The following PPP2R2B variants were observed in gnomAD, a reference collection of about 807,000 sequenced individuals.
PPP2R2B encodes serine/threonine-protein phosphatase 2A 55 kDa regulatory subunit B beta isoform.
A neutral mutation model predicts 46.0 loss-of-function variants in PPP2R2B; 5 were observed. The observed-to-expected ratio is 0.11, with a 90% CI of 0.06 to 0.23. PPP2R2B has a LOEUF of 0.23. Among genes scored for constraint, PPP2R2B ranks in the 10% least tolerant of loss-of-function variants. PPP2R2B has a pLI of 1.00. For synonymous variants in PPP2R2B, 215 were observed against 206.7 expected (o/e 1.04, Z -0.34); for missense variants, 367 against 575.0 (o/e 0.64, Z 3.70).
rs554477446 is a variant in PPP2R2B at position 146,582,927 on chromosome 5, C to G, written c.*7020G>C. The G allele has an allele frequency of 1.4e-4, 21 of 152,340 alleles. No individual in the cohort carries two copies. Among genetic ancestry groups the G allele is most frequent in the African/African-American group, 4.8e-4 (20 of 41,576 alleles). 9.4% of individuals were successfully genotyped at this position (152,340 alleles called of 1,614,324 possible). A position where few individuals can be genotyped will look rare whatever the true frequency, so the allele number is the denominator to read the frequency against. ...TCATAGCCTGGCTATTGGAGAAGCT[C>G]CTGATATGTGAACCACACTAAGTCC... On this transcript the variant is annotated 3_prime_UTR_variant, in exon 10 of 10. Coordinates refer to ENST00000394411, the MANE Select transcript of PPP2R2B (RefSeq NM_181675.4).
chr5:146,777,813 C>T (rs939455795), intron 2 of PPP2R2B, among the ~76,000 whole-genome samples: 4 of 152,108 alleles, frequency 2.6e-5, no homozygotes, highest in Non-Finnish European at 4.4e-5. Flanking sequence ...CTGGAACAGG[C>T]AAAATGTAAT....
At chr5:146,796,445 C>T (rs1756542060) in intron 2 of PPP2R2B, among the ~76,000 whole-genome samples, 1 of 152,184 alleles carries the variant, frequency 6.6e-6, no homozygotes. Context: ...CTAGTAGCTA[C>T]AAATGGCAAA....
Position 146,999,013 on chromosome 5 carries a change from C to CAAA in PPP2R2B, c.79+56649_79+56651dup, listed in dbSNP as rs60753702. Among the ~76,000 whole-genome samples the CAAA allele has an allele frequency of 4.3e-3, 281 of 65,190 alleles. 1 individual carries two copies. The highest frequency in any genetic ancestry group is 5.6e-3 in the East Asian group (10 of 1,790). 42.8% of individuals were successfully genotyped at this position (65,190 alleles called of 152,430 possible). A position where few individuals can be genotyped will look rare whatever the true frequency, so the allele number is the denominator to read the frequency against. ...TGGGAGACAGAGCGAGACTCCATAT[C>CAAA]AAAAAAAAAAAAAAAAAAAAAAAAA... On this transcript the variant is annotated intron_variant, in intron 1 of 8. Coordinates refer to the PPP2R2B transcript ENST00000336640.
chr5:146,899,794 A>G (rs1762766258), intron 1 of PPP2R2B, among the ~76,000 whole-genome samples: 2 of 152,324 alleles, frequency 1.3e-5, no homozygotes, highest in South Asian at 2.1e-4. Context: ...CTATTTCCCA[A>G]TTGAATAACA....
intron 2 of PPP2R2B, among the ~76,000 whole-genome samples, chr5:146,816,921 T>A (rs553128370): frequency 5.1e-4 from 77 of 152,304 alleles, no homozygotes; most frequent in African/African-American, 1.8e-3. Context: ...GGTTAAGAAT[T>A]AAACTAGACA....
chr5:146,842,305 A>G (rs1305055351), intron 2 of PPP2R2B, among the ~76,000 whole-genome samples: 2 of 152,168 alleles, frequency 1.3e-5, no homozygotes, highest in South Asian at 4.1e-4. Context: ...GAGAGGAGCC[A>G]GAGCTTTAAT....
intron 5 of PPP2R2B, among the ~76,000 whole-genome samples, chr5:146,651,406 T>A (rs560735136): frequency 6.6e-6 from 1 of 152,352 alleles, no homozygotes; most frequent in South Asian, 2.1e-4. Context: ...ACCTTACTGA[T>A]ACATAAATAC....
intron 4 of PPP2R2B, among the ~76,000 whole-genome samples, chr5:146,693,404 A>G (rs1239960645): frequency 1.3e-5 from 2 of 151,990 alleles, no homozygotes; most frequent in Non-Finnish European, 2.9e-5. Context: ...TTATAGAGAC[A>G]TGATTTTTTC....
intron 2 of PPP2R2B, among the ~76,000 whole-genome samples, chr5:146,784,535 G>T (rs1009506931): frequency 2.6e-5 from 4 of 151,946 alleles, no homozygotes; most frequent in Non-Finnish European, 5.9e-5. Flanking sequence ...ATACCTTCTC[G>T]TAATAGTAAA....
intron 2 of PPP2R2B, among the ~76,000 whole-genome samples, chr5:146,749,502 A>T (rs1753404303): frequency 6.6e-6 from 1 of 152,044 alleles, no homozygotes; most frequent in African/African-American, 2.4e-5. Flanking sequence ...ATCACAGTGC[A>T]TGTAGCATAA....
At chr5:146,599,967 C>T (rs1166356630) in intron 8 of PPP2R2B, among the ~76,000 whole-genome samples, 1 of 152,188 alleles carries the variant, frequency 6.6e-6, no homozygotes, top group Non-Finnish European at 1.5e-5. Flanking sequence ...CCATCTCTTG[C>T]AGAGAGGCAC....
At chr5:146,606,881 G>A (rs1255160707) in intron 7 of PPP2R2B, 1 of 152,200 alleles carries the variant, frequency 6.6e-6, no homozygotes, top group East Asian at 1.9e-4. Flanking sequence ...AGTGGGACAT[G>A]AGGGTCCGCT....
At chr5:146,689,995 C>T (rs1477770547) in intron 5 of PPP2R2B, among the ~76,000 whole-genome samples, 1 of 152,200 alleles carries the variant, frequency 6.6e-6, no homozygotes, top group Non-Finnish European at 1.5e-5. Flanking sequence ...GCAGATGTAT[C>T]AATAAATGAA....
At chr5:146,976,928 T>C (rs1752938015) in intron 1 of PPP2R2B, among the ~76,000 whole-genome samples, 2 of 152,186 alleles carry the variant, frequency 1.3e-5, no homozygotes, top group Admixed American at 6.5e-5. Context: ...AAGAACAGGA[T>C]TGACGTTTTA....
In PPP2R2B at chr5:147,081,239, A is replaced by G. The variant is rs1165670424; in HGVS notation, c.-29+18T>C. Reference sequence around the variant, plus strand: ...TATATAGCAGAATCTATGCATTTCTAAAAGGAGACTTGCACACCAGGTATC... The same window carrying G: ...TATATAGCAGAATCTATGCATTTCTGAAAGGAGACTTGCACACCAGGTATC... On this transcript the variant is annotated intron_variant, in intron 1 of 10. Transcript: ENST00000394413. 8 of 1,535,650 alleles carry G rather than the reference A, an allele frequency of 5.2e-6. No homozygotes were observed. In the Admixed American group the frequency reaches 1.4e-4, roughly 26 times the overall value.
intron 1 of PPP2R2B, among the ~76,000 whole-genome samples, chr5:146,937,634 G>A (rs1014358777): frequency 6.6e-6 from 1 of 152,094 alleles, no homozygotes; most frequent in Admixed American, 6.6e-5. Flanking sequence ...ATGTAAAAGC[G>A]TGAGGAAAGG....
intron 2 of PPP2R2B, among the ~76,000 whole-genome samples, chr5:146,789,444 A>G (rs1316715047): frequency 6.6e-6 from 1 of 152,198 alleles, no homozygotes; most frequent in Non-Finnish European, 1.5e-5. Context: ...AAATACAAAA[A>G]TACAACAAAA....
At chr5:147,030,650 T>C in intron 1 of PPP2R2B, among the ~76,000 whole-genome samples, 1 of 152,186 alleles carries the variant, frequency 6.6e-6, no homozygotes, top group Admixed American at 6.6e-5. Context: ...TTAAAAAATA[T>C]TGATTGCACC....
intron 1 of PPP2R2B, among the ~76,000 whole-genome samples, chr5:146,988,406 C>G (rs1257005127): frequency 6.6e-6 from 1 of 151,882 alleles, no homozygotes; most frequent in Non-Finnish European, 1.5e-5. Context: ...AAATTGAAAT[C>G]ATATCAAGTA....
Sources: allele counts gnomAD v4.1 joint callset (sites outside exome capture counted in the v4.1 genomes callset), GRCh38; gene constraint gnomAD v4.1.1; transcripts MANE v1.5; gene names NCBI Gene and HGNC (gene_info 2026-07-23, HGNC 2026-07-21).